Variants in TPO observed in about 807,000 individuals in gnomAD.
TPO encodes the protein thyroid peroxidase, also known as thyroid microsomal antigen.
Under a neutral mutation model 96.9 loss-of-function variants are expected in TPO, and 78 were observed. That is an observed-to-expected ratio of 0.81 (90% confidence interval 0.67 to 0.97). TPO has a LOEUF of 0.97. TPO is among the 50% of genes least tolerant of loss of function. The pLI is 0.00. For missense variants in TPO, 1,252 were observed against 1,274.8 expected, an observed-to-expected ratio of 0.98 and a Z score of 0.27; for synonymous variants, 547 against 538.0, an observed-to-expected ratio of 1.02 and a Z score of -0.23.
chr2:1,383,396 T>G (rs1255993393), intron 1 of TPO, among the ~76,000 whole-genome samples: 3 of 152,214 alleles, frequency 2.0e-5, no homozygotes, highest in Admixed American at 6.5e-5. Context: ...TGTTGTTTCC[T>G]GAGCATTTAA....
intron 10 of TPO, 54 bp from the exon 11 acceptor site, chr2:1,493,748 C>A: frequency 6.2e-7 from 1 of 1,603,606 alleles, no homozygotes; most frequent in Non-Finnish European, 8.5e-7. Context: ...GTGAGATGGG[C>A]TGAACAAAAG....
At position 1,493,918 on chromosome 2, in the gene TPO, C is replaced by G; in HGVS notation, c.1885C>G (p.Pro629Ala). The G allele has an allele frequency of 6.2e-7, 1 of 1,614,212 alleles. No homozygotes were observed. Among genetic ancestry groups the G allele is most frequent in the Non-Finnish European group, 8.5e-7 (1 of 1,180,042 alleles). ...ADKILDLYKH[P>A]DNIDVWLGGL... Reference sequence around the variant, plus strand: ...CAAGATCCTGGACTTGTACAAGCATCCTGACAACATCGATGTCTGGCTGGG... The same window carrying G: ...CAAGATCCTGGACTTGTACAAGCATGCTGACAACATCGATGTCTGGCTGGG... Residue 629 changes from proline (P) to alanine (A), a missense_variant, in exon 11 of 17, where the codon CCT becomes GCT. Pro to Ala is a conservative substitution (Grantham distance 27). Coordinates refer to ENST00000329066, the MANE Select transcript of TPO (RefSeq NM_001206744.2).
intron 1 of TPO, among the ~76,000 whole-genome samples, chr2:1,396,476 C>A (rs1274767367): frequency 1.3e-5 from 2 of 152,226 alleles, no homozygotes; most frequent in Non-Finnish European, 2.9e-5. Flanking sequence ...ATCTGCAAAT[C>A]TGACAGTGCT....
At chr2:1,375,379 G>C (rs1661707771) in intron 1 of TPO, among the ~76,000 whole-genome samples, 1 of 152,100 alleles carries the variant, frequency 6.6e-6, no homozygotes, top group African/African-American at 2.4e-5. Flanking sequence ...TGCTAAGATT[G>C]AGAATGTGCC....
chr2:1,439,860 C>A (rs1028364446), intron 5 of TPO, among the ~76,000 whole-genome samples: 10 of 152,190 alleles, frequency 6.6e-5, no homozygotes, highest in Non-Finnish European at 1.2e-4. Context: ...CCCTCTTCTG[C>A]ACCTGTGCCC....
chr2:1,389,224 C>T (rs961290617), intron 1 of TPO, among the ~76,000 whole-genome samples: 8 of 152,050 alleles, frequency 5.3e-5, no homozygotes, highest in Non-Finnish European at 7.4e-5. Context: ...GTGCTGAGGG[C>T]GTCTCAGAGA....
rs535798103 is a variant in TPO at position 1,421,949 on chromosome 2, G to A, written c.95-1096G>A. Among the ~76,000 whole-genome samples, 24 of 152,294 alleles carry A rather than the reference G, an allele frequency of 1.6e-4. No individual in the cohort carries two copies. In the South Asian group the frequency reaches 1.7e-3, roughly 11 times the overall value. On this transcript the variant is annotated intron_variant, in intron 2 of 16. Transcript: ENST00000329066. Reference sequence around the variant, plus strand: ...GCCTGCAGCTCTGACGGCTGTGCTGGGGGTCCCCGGCGAGCTGTGAGCCCG... The same window carrying A: ...GCCTGCAGCTCTGACGGCTGTGCTGAGGGTCCCCGGCGAGCTGTGAGCCCG...
rs1679106172 is a variant in TPO at position 1,534,542 on chromosome 2, C to T, written c.2619-6052C>T. Reference sequence around the variant, plus strand: ...AATCCCTCCCACTCTGTGCAACCTCCCCAAATCCCTACCACTCTGTGCAAC... The same window carrying T: ...AATCCCTCCCACTCTGTGCAACCTCTCCAAATCCCTACCACTCTGTGCAAC... On this transcript the variant is annotated intron_variant, in intron 15 of 16. Coordinates refer to ENST00000329066, the MANE Select transcript of TPO (RefSeq NM_001206744.2). Among the ~76,000 whole-genome samples the T allele has an allele frequency of 2.5e-5, 3 of 120,902 alleles. 1 individual carries two copies. In the South Asian group the frequency reaches 9.4e-4, roughly 38 times the overall value. 79.3% of individuals were successfully genotyped at this position (120,902 alleles called of 152,430 possible).
At chr2:1,524,317 ACCCCAAATCCCCCTACTGTAAGCAACCT>A (rs1675914903) in intron 15 of TPO, among the ~76,000 whole-genome samples, 1 of 63,100 alleles carries the variant, frequency 1.6e-5, no homozygotes, top group Non-Finnish European at 3.0e-5. Flanking sequence ...GTGTGCAACC[ACCCCAAATCCCCCTACTGTAAGCAACCT>A]CCCCAAATCC....
At chr2:1,528,684 TCCC>T (rs1289195278) in intron 15 of TPO, among the ~76,000 whole-genome samples, 1 of 82,644 alleles carries the variant, frequency 1.2e-5, no homozygotes, top group Non-Finnish European at 2.2e-5. Flanking sequence ...CCTCCCCAAA[TCCC>T]CCCTACCTTG....
chr2:1,543,084 C>T lies in TPO; in HGVS notation c.*610C>T, dbSNP rs547459160. Reference sequence around the variant, plus strand: ...CTTCTGCCTCCAGCAGCCGCCCTGCCGCACACTGCTCTTACTCCTCCTTAT... The same window carrying T: ...CTTCTGCCTCCAGCAGCCGCCCTGCTGCACACTGCTCTTACTCCTCCTTAT... On this transcript the variant is annotated 3_prime_UTR_variant, in exon 17 of 17. Transcript: ENST00000329066. 2.8e-5 allele frequency: 5 copies of T among 175,884 alleles called. No homozygotes were observed. The highest frequency in any genetic ancestry group is 4.9e-5 in the Non-Finnish European group (4 of 82,174). The allele number at this position is 175,884 out of a possible 1,614,324, so 10.9% of individuals were successfully genotyped here.
At chr2:1,497,585 G>A (rs1672484442) in intron 13 of TPO, among the ~76,000 whole-genome samples, 1 of 152,170 alleles carries the variant, frequency 6.6e-6, no homozygotes, top group Admixed American at 6.5e-5. Flanking sequence ...CGCTGGTTCT[G>A]GTCTCATGGG....
intron 1 of TPO, among the ~76,000 whole-genome samples, chr2:1,377,687 G>A (rs1404817656): frequency 6.6e-6 from 1 of 152,184 alleles, no homozygotes; most frequent in African/African-American, 2.4e-5. Flanking sequence ...GGCCCTGGGT[G>A]AGTCACGCTG....
chr2:1,472,827 C>CAAAAAAAAAAAAA (rs34064729), intron 7 of TPO, among the ~76,000 whole-genome samples: 1 of 48,330 alleles, frequency 2.1e-5, no homozygotes, highest in African/African-American at 8.8e-5. Context: ...TGTTTGGCGG[C>CAAAAAAAAAAAAA]AAAAAAAAAA....
chr2:1,479,782 CCTTCTT>C (rs992144695), intron 8 of TPO, among the ~76,000 whole-genome samples: 1 of 139,036 alleles, frequency 7.2e-6, no homozygotes. Flanking sequence ...TTCTTCTTCT[CCTTCTT>C]CTTCTTTTTT....
chr2:1,529,727 CTGTGAGCAATCTCCTCAAATCCCCCCA>C lies in TPO; in HGVS notation c.2619-10866_2619-10840del, dbSNP rs1399106114. ...CGTGCAACCTCCTCAAATCCCCCCA[CTGTGAGCAATCTCCTCAAATCCCCCCA>C]CTGTGTGCAACCTCCTCTAATCCCC... On this transcript the variant is annotated intron_variant, in intron 15 of 16. Transcript: ENST00000329066. Among the ~76,000 whole-genome samples the C allele has an allele frequency of 6.9e-5, 4 of 57,698 alleles. No individual in the cohort carries two copies. In the Admixed American group the frequency reaches 7.9e-4, roughly 11 times the overall value. The allele number at this position is 57,698 out of a possible 152,430, so 37.9% of individuals were successfully genotyped here.
At chr2:1,528,748 A>C (rs796220736) in intron 15 of TPO, among the ~76,000 whole-genome samples, 156 of 27,036 alleles carry the variant, frequency 5.8e-3, no homozygotes, top group East Asian at 7.8e-3. Context: ...CAAATCCCCC[A>C]CACTGTGTGC....
At chr2:1,538,804 CCAGAAGAG>C (rs1680377676) in intron 15 of TPO, among the ~76,000 whole-genome samples, 1 of 152,076 alleles carries the variant, frequency 6.6e-6, no homozygotes. Context: ...GTTCTGGAGA[CCAGAAGAG>C]CAAGTCACGG....
At chr2:1,414,380 A>T in intron 1 of TPO, 28 bp from the exon 2 acceptor site, 3 of 1,603,484 alleles carry the variant, frequency 1.9e-6, no homozygotes, top group Non-Finnish European at 2.6e-6. Flanking sequence ...GCTTGATTAC[A>T]TACTCTGTCT....
Sources: gnomAD v4.1 joint callset for allele counts (sites outside exome capture counted in the v4.1 genomes callset) on GRCh38, gnomAD v4.1.1 for gene constraint, MANE v1.5 for transcripts, NCBI Gene and HGNC (gene_info 2026-07-23, HGNC 2026-07-21) for gene names.